The following LRRC37A2 variants were observed in gnomAD, a reference collection of about 807,000 sequenced individuals.
LRRC37A2 encodes leucine rich repeat containing 37 member A2.
In LRRC37A2, 9 loss-of-function variants were observed where a neutral mutation model predicts 68.8. The ratio of observed to expected loss-of-function variants is 0.13; its 90% CI spans 0.08 to 0.23. LRRC37A2 has a LOEUF of 0.23. LRRC37A2 is among the 10% of genes least tolerant of loss of function. The pLI is 1.00. For synonymous variants in LRRC37A2, 63 were observed against 367.6 expected, an observed-to-expected ratio of 0.17 and a Z score of 9.48; for missense variants, 168 against 950.4, an observed-to-expected ratio of 0.18 and a Z score of 10.82.
intron 8 of LRRC37A2, among the ~76,000 whole-genome samples, chr17:46,545,613 CTT>C: frequency 7.9e-6 from 1 of 127,004 alleles, no homozygotes; most frequent in Non-Finnish European, 1.6e-5. Flanking sequence ...CAAAGTGACA[CTT>C]TTAAAAATTC....
chr17:46,747,796 C>T, the LRRC37A2 span, among the ~76,000 whole-genome samples: 2 of 152,076 alleles, frequency 1.3e-5, no homozygotes, highest in African/African-American at 4.8e-5. Flanking sequence ...CAGTATCCAA[C>T]TAAGAGGTTC....
the LRRC37A2 span, among the ~76,000 whole-genome samples, chr17:46,842,830 C>T: frequency 6.6e-6 from 1 of 152,202 alleles, no homozygotes; most frequent in African/African-American, 2.4e-5. Context: ...AGACAGTGCA[C>T]CTCTTCTGAA....
chr17:46,816,475 GCACACACACACACACACA>G, the LRRC37A2 span, among the ~76,000 whole-genome samples: 1 of 144,242 alleles, frequency 6.9e-6, no homozygotes, highest in Non-Finnish European at 1.5e-5. Flanking sequence ...CAGAACACAC[GCACACACACACACACACA>G]CACACACACA....
the LRRC37A2 span, chr17:46,940,483 C>A: frequency 6.2e-7 from 1 of 1,612,820 alleles, no homozygotes; most frequent in African/African-American, 1.3e-5. Context: ...TGCCAGGGAC[C>A]TAGCGCAGGA....
intron 12 of LRRC37A2, chr17:46,553,996 ATG>A (rs1344026645): frequency 2.0e-6 from 2 of 1,001,118 alleles, no homozygotes; most frequent in Non-Finnish European, 2.4e-6. Context: ...AAGGTAGGAT[ATG>A]TGAGTCCTTC....
At chr17:46,928,716 G>A in the LRRC37A2 span, among the ~76,000 whole-genome samples, 113 of 152,286 alleles carry the variant, frequency 7.4e-4, no homozygotes, top group African/African-American at 2.6e-3. Flanking sequence ...GTTTCCTCCA[G>A]TGAGTCACTT....
At chr17:46,678,451 A>C in the LRRC37A2 span, among the ~76,000 whole-genome samples, 1 of 148,616 alleles carries the variant, frequency 6.7e-6, no homozygotes, top group Non-Finnish European at 1.5e-5. Context: ...GATGAAAATA[A>C]CCAGAGACAA....
the LRRC37A2 span, chr17:46,710,878 G>C: frequency 2.5e-6 from 3 of 1,186,324 alleles, no homozygotes; most frequent in South Asian, 4.5e-5. Flanking sequence ...AATACCTTTA[G>C]CATGTACGGA....
chr17:46,490,581 G>A, the LRRC37A2 span, among the ~76,000 whole-genome samples: 4 of 150,314 alleles, frequency 2.7e-5, no homozygotes, highest in African/African-American at 1.0e-4. Context: ...AAAATTAGCC[G>A]GGCGTGGTGG....
At chr17:46,726,727 C>A in the LRRC37A2 span, 1 of 914,562 alleles carries the variant, frequency 1.1e-6, no homozygotes, top group Non-Finnish European at 1.8e-6. Flanking sequence ...ATAGAAATAC[C>A]TTTCTTTGTC....
At chr17:47,035,209 C>T in the LRRC37A2 span, 5 of 152,212 alleles carry the variant, frequency 3.3e-5, no homozygotes, top group African/African-American at 9.6e-5. Context: ...GTGTACAATT[C>T]AGTGGTGGTT....
chr17:46,902,852 T>C, the LRRC37A2 span, among the ~76,000 whole-genome samples: 1 of 152,208 alleles, frequency 6.6e-6, no homozygotes, highest in Non-Finnish European at 1.5e-5. Context: ...GGATAAATCA[T>C]GACTCACCTA....
the LRRC37A2 span, among the ~76,000 whole-genome samples, chr17:46,714,578 G>A: frequency 2.6e-5 from 4 of 152,110 alleles, no homozygotes; most frequent in South Asian, 2.1e-4. Context: ...GAATCCTAGA[G>A]CTGAAAAGAC....
At chr17:47,023,873 G>T in the LRRC37A2 span, among the ~76,000 whole-genome samples, 1 of 152,056 alleles carries the variant, frequency 6.6e-6, no homozygotes, top group South Asian at 2.1e-4. Context: ...GGGATTACAG[G>T]CATGAGCCAC....
chr17:47,008,929 T>C, the LRRC37A2 span, among the ~76,000 whole-genome samples: 1 of 152,186 alleles, frequency 6.6e-6, no homozygotes, highest in East Asian at 1.9e-4. Flanking sequence ...ATCTTGACAA[T>C]AATAACATAA....
the LRRC37A2 span, among the ~76,000 whole-genome samples, chr17:46,938,421 A>T: frequency 6.6e-6 from 1 of 152,142 alleles, no homozygotes; most frequent in Non-Finnish European, 1.5e-5. Flanking sequence ...TGGTACCTTG[A>T]TCAAAAATCA....
chr17:46,779,053 T>TCACACACACACACACACACACACACA, the LRRC37A2 span, among the ~76,000 whole-genome samples: 105 of 100,664 alleles, frequency 1.0e-3, 1 homozygote, highest in Admixed American at 2.9e-3. Context: ...CCCTACCCCA[T>TCACACACACACACACACACACACACA]CACACACACA....
At chr17:46,769,540 G>A in the LRRC37A2 span, among the ~76,000 whole-genome samples, 2 of 152,134 alleles carry the variant, frequency 1.3e-5, no homozygotes, top group Non-Finnish European at 2.9e-5. Context: ...TGATCCCACG[G>A]GGTGGCCATG....
chr17:46,792,529 A>G, the LRRC37A2 span, among the ~76,000 whole-genome samples: 1 of 152,104 alleles, frequency 6.6e-6, no homozygotes, highest in Non-Finnish European at 1.5e-5. Context: ...GCTGGAGTGC[A>G]ATGGTGCCGT....
Sources: gnomAD v4.1 joint callset for allele counts (sites outside exome capture counted in the v4.1 genomes callset) on GRCh38, gnomAD v4.1.1 for gene constraint, MANE v1.5 for transcripts, NCBI Gene and HGNC (gene_info 2026-07-23, HGNC 2026-07-21) for gene names.